VWA2: variants seen among roughly 807,000 people sequenced by gnomAD.
VWA2 encodes von Willebrand factor A domain-containing protein 2.
In VWA2, 73 loss-of-function variants were observed where a neutral mutation model predicts 70.4. The ratio of observed to expected loss-of-function variants is 1.04; its 90% confidence interval spans 0.86 to 1.26. VWA2 has a LOEUF of 1.26. VWA2 is among the 50% of genes most tolerant of loss of function. VWA2 has a pLI of 0.00. For missense variants in VWA2, 1,011 were observed against 998.5 expected, an observed-to-expected ratio of 1.01 and a Z score of -0.17; for synonymous variants, 407 against 423.3, an observed-to-expected ratio of 0.96 and a Z score of 0.47.
chr10:114,260,306 A>T (rs1001389410), intron 4 of VWA2, among the ~76,000 whole-genome samples: 1 of 152,200 alleles, frequency 6.6e-6, no homozygotes, highest in African/African-American at 2.4e-5. Flanking sequence ...TGGATCTCCT[A>T]TGGCCTCCTC....
chr10:114,248,308 C>G (rs1266332237), intron 1 of VWA2, among the ~76,000 whole-genome samples: 3 of 152,106 alleles, frequency 2.0e-5, no homozygotes, highest in Admixed American at 2.0e-4. Flanking sequence ...ATTCTAACTC[C>G]TCATGAAGAA....
At chr10:114,246,683 C>T (rs2037080063) in intron 1 of VWA2, 1 of 1,560,374 alleles carries the variant, frequency 6.4e-7, no homozygotes, top group Admixed American at 1.7e-5. Context: ...CCATTAAATT[C>T]CCAAAACAAA....
chr10:114,280,499 CATGTGGCATTTGTGTCCAG>C (rs1351048332), intron 8 of VWA2, among the ~76,000 whole-genome samples: 1 of 152,068 alleles, frequency 6.6e-6, no homozygotes, highest in Non-Finnish European at 1.5e-5. Context: ...CCTTGCAGAG[CATGTGGCATTTGTGTCCAG>C]ACCTGAGGGA....
chr10:114,282,657 A>C, intron 9 of VWA2, 86 bp downstream of exon 9: 1 of 1,230,962 alleles, frequency 8.1e-7, no homozygotes, highest in South Asian at 1.2e-5. Context: ...ATCCTGGGAC[A>C]GAGGGTGGGG....
intron 5 of VWA2, among the ~76,000 whole-genome samples, chr10:114,266,159 TG>T (rs2037560442): frequency 6.6e-6 from 1 of 151,616 alleles, no homozygotes; most frequent in Non-Finnish European, 1.5e-5. Flanking sequence ...TAGCCGGGCG[TG>T]GTGGCGGGCG....
chr10:114,253,600 C>A, intron 2 of VWA2, 51 bp from the exon 3 acceptor site: 1 of 1,523,324 alleles, frequency 6.6e-7, no homozygotes, highest in Non-Finnish European at 9.0e-7. Flanking sequence ...GAGATTGAGC[C>A]TCCTCCCCTC....
At chr10:114,275,378 G>C (rs896375913) in intron 6 of VWA2, among the ~76,000 whole-genome samples, 16 of 152,214 alleles carry the variant, frequency 1.1e-4, no homozygotes, top group Non-Finnish European at 1.9e-4. Context: ...CTGGAGAGAG[G>C]AGAGAGGGAC....
rs373565957 is a variant in VWA2 at position 114,264,201 on chromosome 10, T to A, written c.371+2906T>A. ...GAAAATAGTTGTATGCTAATGTTCA[T>A]ACCAGTGCTGTTTATAGCAGCTCCA... On this transcript the variant is annotated intron_variant, in intron 5 of 13. Transcript: ENST00000392982. Among the ~76,000 whole-genome samples the A allele has an allele frequency of 5.0e-4, 76 of 152,348 alleles. No homozygotes were observed. In the South Asian group the frequency reaches 7.5e-3, roughly 15 times the overall value.
chr10:114,244,000 T>C (rs2037019372), intron 1 of VWA2, among the ~76,000 whole-genome samples: 1 of 152,142 alleles, frequency 6.6e-6, no homozygotes, highest in African/African-American at 2.4e-5. Context: ...GCATGAGTAA[T>C]GGAACAGAAG....
intron 5 of VWA2, among the ~76,000 whole-genome samples, chr10:114,270,147 C>T (rs2037675736): frequency 6.6e-6 from 1 of 152,142 alleles, no homozygotes; most frequent in Admixed American, 6.5e-5. Context: ...AGAGTATTGG[C>T]TTCAAATTCA....
chr10:114,275,978 A>C (rs1277518526), intron 6 of VWA2, among the ~76,000 whole-genome samples: 1 of 152,210 alleles, frequency 6.6e-6, no homozygotes, highest in Admixed American at 6.5e-5. Flanking sequence ...ACACAATATA[A>C]ATTCAAATGT....
chr10:114,286,031 G>T lies in VWA2; in HGVS notation c.1090G>T (p.Val364Phe). The change falls in exon 11 of 14, where the codon GTC becomes TTC. Residue 364 changes from valine (V) to phenylalanine (F), a missense_variant. Physicochemically the swap from Val to Phe is conservative, Grantham distance 50. Transcript: ENST00000392982. ...TTLDGFLRAK[V>F]FVKRFVRAVL... ...TCTGGACGGCTTCCTGCGGGCCAAA[G>T]TCTTCGTGAAGCGGTTTGTGCGGGC... The T allele has an allele frequency of 6.2e-7, 1 of 1,614,184 alleles. No individual in the cohort carries two copies. Among genetic ancestry groups the T allele is most frequent in the Non-Finnish European group, 8.5e-7 (1 of 1,180,038 alleles).
Position 114,253,722 on chromosome 10 carries a change from A to G in VWA2, c.124A>G (p.Lys42Glu). 1 of 1,612,272 alleles carries G rather than the reference A, an allele frequency of 6.2e-7. No individual in the cohort carries two copies. Among genetic ancestry groups the G allele is most frequent in the Non-Finnish European group, 8.5e-7 (1 of 1,179,698 alleles). The stretch of plus-strand genomic sequence containing the variant: ...CATCGGGAAGATTTCAGCTGCCAGC[A>G]AAAGTAAGCCCAGGTTCTTCTTAAC... ...ETIGKISAAS[K>E]MMWCSAAVDI... The change falls in exon 3 of 14, where the codon AAA becomes GAA. Residue 42 changes from lysine (K) to glutamate (E), a missense_variant. Lys to Glu is a moderately conservative substitution (Grantham distance 56, BLOSUM62 1). Transcript: ENST00000392982.
At chr10:114,245,959 T>A in intron 1 of VWA2, 1 of 460,480 alleles carries the variant, frequency 2.2e-6, no homozygotes, top group Non-Finnish European at 4.2e-6. Context: ...TTAGGTAGAA[T>A]CTGGTGGCAT....
chr10:114,244,575 A>G (rs2037030897), intron 1 of VWA2, among the ~76,000 whole-genome samples: 1 of 152,248 alleles, frequency 6.6e-6, no homozygotes, highest in Non-Finnish European at 1.5e-5. Context: ...TGGCAGGCAC[A>G]TAAGAAATGC....
chr10:114,261,050 C>T, intron 4 of VWA2, 136 bp from the exon 5 acceptor site: 2 of 620,030 alleles, frequency 3.2e-6, no homozygotes, highest in South Asian at 2.1e-5. Flanking sequence ...TCTAGGGAGA[C>T]TGGAGAAAGC....
chr10:114,282,656 CAG>C, intron 9 of VWA2, 85 bp downstream of exon 9: 1 of 1,236,978 alleles, frequency 8.1e-7, no homozygotes, highest in East Asian at 2.3e-5. Context: ...AATCCTGGGA[CAG>C]AGGGTGGGGT....
intron 2 of VWA2, among the ~76,000 whole-genome samples, chr10:114,253,402 C>A (rs1454564991): frequency 1.5e-5 from 2 of 129,044 alleles, no homozygotes; most frequent in Non-Finnish European, 3.2e-5. Flanking sequence ...TAGAACCCCA[C>A]TGTGTGTTAG....
chr10:114,280,901 G>T (rs2038058726), intron 8 of VWA2: 1 of 152,088 alleles, frequency 6.6e-6, no homozygotes, highest in East Asian at 1.9e-4. Context: ...ACCGTGGCCG[G>T]CTAATTTTTA....
Sources: allele counts gnomAD v4.1 joint callset (sites outside exome capture counted in the v4.1 genomes callset), GRCh38; gene constraint gnomAD v4.1.1; transcripts MANE v1.5; gene names NCBI Gene and HGNC (gene_info 2026-07-23, HGNC 2026-07-21).